The following ABCC1 variants were observed in gnomAD, a reference collection of about 807,000 sequenced individuals.
ABCC1 encodes the protein multidrug resistance-associated protein 1.
Under a neutral mutation model 172.9 loss-of-function variants are expected in ABCC1, and 83 were observed. The observed-to-expected ratio is 0.48, with a 90% CI of 0.40 to 0.58. The LOEUF is 0.58. ABCC1 is among the 20% of genes least tolerant of loss of function. The pLI is 0.00. For synonymous variants in ABCC1, 937 were observed against 825.2 expected (o/e 1.14, Z -2.32); for missense variants, 1,817 against 2,002.7 (o/e 0.91, Z 1.77).
intron 1 of ABCC1, among the ~76,000 whole-genome samples, chr16:15,978,478 A>G (rs988351532): frequency 6.6e-6 from 1 of 152,090 alleles, no homozygotes; most frequent in African/African-American, 2.4e-5. Flanking sequence ...TTTTCTGGAT[A>G]TTTCTTGCCT....
chr16:16,092,212 T>C (rs1282289731), intron 19 of ABCC1, among the ~76,000 whole-genome samples: 1 of 152,194 alleles, frequency 6.6e-6, no homozygotes, highest in African/African-American at 2.4e-5. Flanking sequence ...CACTCCAGCT[T>C]GGGCAACAGA....
intron 8 of ABCC1, 90 bp from the exon 9 acceptor site, chr16:16,045,746 A>C: frequency 7.8e-7 from 1 of 1,280,104 alleles, no homozygotes; most frequent in Non-Finnish European, 1.1e-6. Context: ...CATCTGGCTC[A>C]GGAGAAAGTT....
At chr16:16,013,029 G>A (rs1335098385) in intron 3 of ABCC1, among the ~76,000 whole-genome samples, 2 of 152,056 alleles carry the variant, frequency 1.3e-5, no homozygotes, top group Non-Finnish European at 2.9e-5. Context: ...CACCCTGGGG[G>A]AAACAGGGGT....
At chr16:16,129,118 C>T (rs1356162240) in intron 26 of ABCC1, among the ~76,000 whole-genome samples, 1 of 152,200 alleles carries the variant, frequency 6.6e-6, no homozygotes, top group African/African-American at 2.4e-5. Flanking sequence ...AAAACTTTCC[C>T]GTGTGGATTC....
chr16:15,984,445 A>G (rs1245938036), intron 1 of ABCC1, among the ~76,000 whole-genome samples: 2 of 47,452 alleles, frequency 4.2e-5, no homozygotes, highest in Non-Finnish European at 1.0e-4. Flanking sequence ...ACCTTGATAT[A>G]TACTTTTTTT....
At chr16:16,141,070 A>G in intron 30 of ABCC1, 103 bp from the exon 31 acceptor site, 1 of 922,644 alleles carries the variant, frequency 1.1e-6, no homozygotes, top group South Asian at 1.5e-5. Flanking sequence ...AAAAAGTGTT[A>G]GGGGCCTGAC....
chr16:16,034,821 C>T (rs1015300901), intron 6 of ABCC1, among the ~76,000 whole-genome samples: 8 of 151,922 alleles, frequency 5.3e-5, no homozygotes, highest in Non-Finnish European at 1.0e-4. Flanking sequence ...CTCCTGACTT[C>T]AGGTGATCCA....
At chr16:16,026,903 T>G (rs921276528) in intron 5 of ABCC1, among the ~76,000 whole-genome samples, 1 of 151,878 alleles carries the variant, frequency 6.6e-6, no homozygotes. Flanking sequence ...GGCGACAGAG[T>G]GAGACTCAGT....
chr16:16,106,246 C>G (rs1476780372), intron 20 of ABCC1, among the ~76,000 whole-genome samples: 1 of 152,072 alleles, frequency 6.6e-6, no homozygotes, highest in African/African-American at 2.4e-5. Context: ...CAGTGCCCAC[C>G]ACATTTGTAA....
intron 21 of ABCC1, among the ~76,000 whole-genome samples, chr16:16,111,114 G>T (rs566438111): frequency 2.6e-5 from 4 of 152,292 alleles, no homozygotes; most frequent in African/African-American, 9.6e-5. Context: ...GGCCAGGCTG[G>T]TCTCGAAGTC....
chr16:16,069,461 T>C (rs1388420917), intron 13 of ABCC1, among the ~76,000 whole-genome samples: 1 of 151,744 alleles, frequency 6.6e-6, no homozygotes, highest in Non-Finnish European at 1.5e-5. Context: ...TAAGGAGGGG[T>C]GGCTTTCTGT....
chr16:16,123,123 A>G (rs898120428), intron 24 of ABCC1, among the ~76,000 whole-genome samples: 4 of 152,260 alleles, frequency 2.6e-5, no homozygotes, highest in African/African-American at 9.6e-5. Context: ...TGGGTGGGCT[A>G]ACCCTGAATG....
intron 26 of ABCC1, among the ~76,000 whole-genome samples, chr16:16,126,725 A>G (rs771957947): frequency 3.9e-5 from 6 of 152,196 alleles, no homozygotes; most frequent in African/African-American, 7.2e-5. Context: ...ACGGAAAATA[A>G]TACTACTTTT....
At chr16:16,021,097 T>C (rs551714911) in intron 5 of ABCC1, among the ~76,000 whole-genome samples, 1 of 152,176 alleles carries the variant, frequency 6.6e-6, no homozygotes, top group African/African-American at 2.4e-5. Context: ...GGTGGGCCTG[T>C]AGTGGTAATT....
chr16:15,961,762 T>C (rs1050539476), intron 1 of ABCC1, among the ~76,000 whole-genome samples: 19 of 150,576 alleles, frequency 1.3e-4, no homozygotes, highest in Admixed American at 2.7e-4. Context: ...TAAAAGCCAA[T>C]CAAATCAACT....
At chr16:15,983,788 T>C (rs1309369180) in intron 1 of ABCC1, among the ~76,000 whole-genome samples, 1 of 43,746 alleles carries the variant, frequency 2.3e-5, no homozygotes, top group African/African-American at 8.2e-5. Flanking sequence ...ACTTCTGACC[T>C]CAAGTGATTC....
chr16:16,022,047 G>C (rs1303569933), intron 5 of ABCC1, among the ~76,000 whole-genome samples: 1 of 152,230 alleles, frequency 6.6e-6, no homozygotes, highest in Non-Finnish European at 1.5e-5. Flanking sequence ...AAGATGGGGA[G>C]AGTCCAGGCT....
At chr16:16,102,162 G>A (rs2051785500) in intron 19 of ABCC1, among the ~76,000 whole-genome samples, 1 of 152,224 alleles carries the variant, frequency 6.6e-6, no homozygotes, top group African/African-American at 2.4e-5. Flanking sequence ...CCGGGCCTCT[G>A]CCTGTTGGCT....
chr16:15,991,772 C>T (rs1014720075), intron 1 of ABCC1, among the ~76,000 whole-genome samples: 1 of 152,110 alleles, frequency 6.6e-6, no homozygotes. Context: ...CCATACACGC[C>T]GACTCTGCAG....
Sources: gnomAD v4.1 joint callset for allele counts (sites outside exome capture counted in the v4.1 genomes callset) on GRCh38, gnomAD v4.1.1 for gene constraint, MANE v1.5 for transcripts, NCBI Gene and HGNC (gene_info 2026-07-23, HGNC 2026-07-21) for gene names.